TMTC2: variants seen among roughly 807,000 people sequenced by gnomAD.
TMTC2 encodes the protein protein O-mannosyl-transferase TMTC2.
TMTC2 carries 43 observed loss-of-function variants against 82.4 expected under a neutral mutation model. The ratio of observed to expected loss-of-function variants is 0.52; its 90% CI spans 0.41 to 0.67. TMTC2 has a LOEUF of 0.67. TMTC2 is among the 30% of genes least tolerant of loss of function. The pLI is 0.00. For synonymous variants in TMTC2, 408 were observed against 381.9 expected (o/e 1.07, Z -0.80); for missense variants, 919 against 1,012.4 (o/e 0.91, Z 1.25).
chr12:82,931,321 TTTG>T (rs1344028037), intron 4 of TMTC2, among the ~76,000 whole-genome samples: 1 of 152,202 alleles, frequency 6.6e-6, no homozygotes, highest in African/African-American at 2.4e-5. Context: ...ATGGTTCTTT[TTTG>T]TTTTCCTTTT....
intron 11 of TMTC2, among the ~76,000 whole-genome samples, chr12:83,118,553 T>C (rs7956999): frequency 0.27 from 41,678 of 152,084 alleles, 6,795 homozygotes; most frequent in African/African-American, 0.47. Flanking sequence ...CTTTTTGGTA[T>C]GTTGTTGGAT....
At chr12:82,708,526 G>C (rs1215692297) in intron 1 of TMTC2, among the ~76,000 whole-genome samples, 1 of 152,164 alleles carries the variant, frequency 6.6e-6, no homozygotes. Flanking sequence ...TACAGGTTTT[G>C]TCCCAACTAA....
intron 11 of TMTC2, 126 bp from the exon 12 acceptor site, chr12:83,132,084 A>C: frequency 8.8e-7 from 1 of 1,140,172 alleles, no homozygotes; most frequent in Non-Finnish European, 1.2e-6. Context: ...AAATTGCTAA[A>C]TTGCTTTCAC....
intron 1 of TMTC2, among the ~76,000 whole-genome samples, chr12:82,781,257 A>G (rs376400539): frequency 2.6e-5 from 4 of 152,058 alleles, no homozygotes; most frequent in Non-Finnish European, 5.9e-5. Flanking sequence ...TTCAAAATCA[A>G]ATTTCTGCAA....
At chr12:82,756,952 G>A (rs1008508723) in intron 1 of TMTC2, among the ~76,000 whole-genome samples, 3 of 152,104 alleles carry the variant, frequency 2.0e-5, no homozygotes, top group Non-Finnish European at 2.9e-5. Context: ...TATCTTAGAA[G>A]TACTTAAACC....
chr12:82,702,320 A>G (rs187349775), intron 1 of TMTC2, among the ~76,000 whole-genome samples: 70 of 152,302 alleles, frequency 4.6e-4, no homozygotes, highest in African/African-American at 1.7e-3. Flanking sequence ...CTAAAGTCTA[A>G]CAGCAAGTGG....
intron 1 of TMTC2, among the ~76,000 whole-genome samples, chr12:82,727,298 C>G (rs1462452595): frequency 6.6e-6 from 1 of 151,980 alleles, no homozygotes; most frequent in African/African-American, 2.4e-5. Context: ...AATTACATCA[C>G]ATATATAACC....
chr12:82,804,703 A>G (rs1181679384), intron 1 of TMTC2, among the ~76,000 whole-genome samples: 1 of 152,092 alleles, frequency 6.6e-6, no homozygotes, highest in African/African-American at 2.4e-5. Flanking sequence ...TTTTTCCGGT[A>G]TTGAATAGTG....
At chr12:82,935,708 A>G (rs1876279716) in intron 4 of TMTC2, among the ~76,000 whole-genome samples, 1 of 152,170 alleles carries the variant, frequency 6.6e-6, no homozygotes, top group Non-Finnish European at 1.5e-5. Context: ...TAGGAATTAG[A>G]TTTCAAAATG....
intron 1 of TMTC2, among the ~76,000 whole-genome samples, chr12:82,816,971 T>G (rs1271327126): frequency 1.3e-5 from 2 of 150,456 alleles, no homozygotes; most frequent in Non-Finnish European, 3.0e-5. Flanking sequence ...TTTCTTTGTT[T>G]TTTTTTTTTT....
intron 1 of TMTC2, among the ~76,000 whole-genome samples, chr12:82,735,030 C>T (rs192642879): frequency 9.4e-4 from 143 of 152,324 alleles, no homozygotes; most frequent in African/African-American, 3.2e-3. Flanking sequence ...TTAATTCACA[C>T]ATTCTATTCC....
Position 83,134,819 on chromosome 12 carries a change from G to C in TMTC2, c.*2430G>C, listed in dbSNP as rs1049242107. 1 of 152,102 alleles carries C rather than the reference G, an allele frequency of 6.6e-6. No individual in the cohort carries two copies. Among genetic ancestry groups the C allele is most frequent in the Non-Finnish European group, 1.5e-5 (1 of 68,008 alleles). The allele number at this position is 152,102 out of a possible 1,614,324, so 9.4% of individuals were successfully genotyped here. A position where few individuals can be genotyped will look rare whatever the true frequency, so the allele number is the denominator to read the frequency against. On this transcript the variant is annotated 3_prime_UTR_variant, in exon 12 of 12. Transcript: ENST00000321196. ...TTTTGTAGAAATAATTGTTTTATGTGCCAGAGAATTTCAATTTTGTTTTCA... is the reference window on the plus strand; with the variant it reads ...TTTTGTAGAAATAATTGTTTTATGTCCCAGAGAATTTCAATTTTGTTTTCA...
intron 4 of TMTC2, among the ~76,000 whole-genome samples, chr12:82,938,732 A>T (rs1398813654): frequency 6.6e-6 from 1 of 152,166 alleles, no homozygotes; most frequent in East Asian, 1.9e-4. Flanking sequence ...TGCCTAGTAT[A>T]TAACGTTCAT....
At chr12:83,062,695 T>A (rs1352293454) in intron 11 of TMTC2, among the ~76,000 whole-genome samples, 1 of 151,822 alleles carries the variant, frequency 6.6e-6, no homozygotes, top group Admixed American at 6.6e-5. Flanking sequence ...TACAGAGATT[T>A]TGTATCTTAA....
rs1328636427 is a variant in TMTC2 at position 82,857,308 on chromosome 12, A to G, written c.382A>G (p.Ile128Val). 1.2e-6 allele frequency: 2 copies of G among 1,614,096 alleles called. No homozygotes were observed. Among genetic ancestry groups the G allele is most frequent in the South Asian group, 1.1e-5 (1 of 91,060 alleles). Residue 128 changes from isoleucine to valine, a missense_variant, in exon 2 of 12, where the codon ATT becomes GTT. By Grantham distance (29) the Ile-to-Val change is conservative. Coordinates refer to ENST00000321196, the MANE Select transcript of TMTC2 (RefSeq NM_152588.3). ...TGGCTTGATGTTTGCTTCTCACCCCATTCACACGGAGGCAGTGGCAGGAAT... is the reference window on the plus strand; with the variant it reads ...TGGCTTGATGTTTGCTTCTCACCCCGTTCACACGGAGGCAGTGGCAGGAAT... ...MAGLMFASHPIHTEAVAGIVG... is the reference protein window; with the variant it reads ...MAGLMFASHPVHTEAVAGIVG...
At chr12:83,012,833 G>A (rs1202144330) in intron 8 of TMTC2, among the ~76,000 whole-genome samples, 1 of 152,114 alleles carries the variant, frequency 6.6e-6, no homozygotes, top group Non-Finnish European at 1.5e-5. Flanking sequence ...ACAGAATACA[G>A]ATAATCCTCT....
At chr12:82,712,544 C>T (rs560564737) in intron 1 of TMTC2, among the ~76,000 whole-genome samples, 10 of 151,830 alleles carry the variant, frequency 6.6e-5, no homozygotes, top group South Asian at 4.2e-4. Context: ...AATCATGCTG[C>T]GTGGGCCAGG....
At chr12:82,876,101 T>TGGG (rs1872536819) in intron 2 of TMTC2, among the ~76,000 whole-genome samples, 1 of 139,514 alleles carries the variant, frequency 7.2e-6, no homozygotes, top group Non-Finnish European at 1.6e-5. Flanking sequence ...TTCATAATGG[T>TGGG]GGTGGTGGTG....
chr12:83,020,408 C>A (rs781444532), intron 8 of TMTC2, among the ~76,000 whole-genome samples: 1 of 152,114 alleles, frequency 6.6e-6, no homozygotes, highest in Non-Finnish European at 1.5e-5. Flanking sequence ...ATGCATAATT[C>A]TAAAGTCTGA....
Sources: gnomAD v4.1 joint callset for allele counts (sites outside exome capture counted in the v4.1 genomes callset) on GRCh38, gnomAD v4.1.1 for gene constraint, MANE v1.5 for transcripts, NCBI Gene and HGNC (gene_info 2026-07-23, HGNC 2026-07-21) for gene names.